Variants in LGSN observed in about 807,000 individuals in gnomAD.
LGSN encodes lengsin.
In LGSN, 21 loss-of-function variants were observed where a neutral mutation model predicts 19.5. The ratio of observed to expected loss-of-function variants is 1.07; its 90% CI spans 0.76 to 1.55. LGSN has a LOEUF of 1.55. Ranked by LOEUF, LGSN falls within the 40% of genes most tolerant of loss-of-function variation. LGSN has a pLI of 0.00. For missense variants in LGSN, 673 were observed against 608.5 expected (o/e 1.11, Z -1.12); for synonymous variants, 257 against 215.6 (o/e 1.19, Z -1.68).
the LGSN span, among the ~76,000 whole-genome samples, chr6:63,428,807 G>A: frequency 6.6e-6 from 1 of 152,188 alleles, no homozygotes; most frequent in African/African-American, 2.4e-5. Flanking sequence ...ATGGCTCATA[G>A]AGAAGTCAGG....
chr6:63,486,034 ATTGT>A, the LGSN span, among the ~76,000 whole-genome samples: 1 of 152,014 alleles, frequency 6.6e-6, no homozygotes, highest in Non-Finnish European at 1.5e-5. Flanking sequence ...CCGGCTGAAC[ATTGT>A]TTGTAGAAGT....
At chr6:63,372,689 A>G in the LGSN span, among the ~76,000 whole-genome samples, 1 of 152,216 alleles carries the variant, frequency 6.6e-6, no homozygotes, top group Non-Finnish European at 1.5e-5. Context: ...TAAGGACTAT[A>G]TCAGCAAAGT....
chr6:63,517,119 G>T, the LGSN span, among the ~76,000 whole-genome samples: 2 of 152,080 alleles, frequency 1.3e-5, no homozygotes, highest in East Asian at 3.8e-4. Flanking sequence ...CATAGTAAGT[G>T]TGCAATACAT....
At chr6:63,412,902 G>C in the LGSN span, among the ~76,000 whole-genome samples, 44 of 149,194 alleles carry the variant, frequency 2.9e-4, 1 homozygote, top group African/African-American at 1.1e-3. Context: ...GAAAGAGAGA[G>C]AGAGAAAGGA....
At chr6:63,390,316 G>A in the LGSN span, among the ~76,000 whole-genome samples, 1 of 151,064 alleles carries the variant, frequency 6.6e-6, no homozygotes, top group Non-Finnish European at 1.5e-5. Context: ...CGTTAGTAGA[G>A]ATGGGTTTTC....
chr6:63,423,703 A>T, the LGSN span, among the ~76,000 whole-genome samples: 1 of 152,108 alleles, frequency 6.6e-6, no homozygotes, highest in East Asian at 1.9e-4. Context: ...CCAAATGTGC[A>T]TATATCAAAC....
the LGSN span, among the ~76,000 whole-genome samples, chr6:63,483,102 G>C: frequency 1.3e-5 from 2 of 152,252 alleles, no homozygotes; most frequent in Non-Finnish European, 2.9e-5. Flanking sequence ...ATCTCTATTG[G>C]GAATGCTTTC....
the LGSN span, among the ~76,000 whole-genome samples, chr6:63,450,236 C>G: frequency 6.6e-6 from 1 of 150,838 alleles, no homozygotes; most frequent in African/African-American, 2.4e-5. Flanking sequence ...GTGGTGAGCA[C>G]CTGTAATCCC....
At chr6:63,385,122 G>T in the LGSN span, among the ~76,000 whole-genome samples, 2 of 152,162 alleles carry the variant, frequency 1.3e-5, no homozygotes, top group Non-Finnish European at 2.9e-5. Context: ...GGCAGCCCTA[G>T]AAATCTAATA....
chr6:63,410,844 C>T, the LGSN span, among the ~76,000 whole-genome samples: 6 of 152,032 alleles, frequency 3.9e-5, no homozygotes, highest in Admixed American at 1.3e-4. Context: ...TCTTAATGAC[C>T]CCACATGCTG....
chr6:63,373,319 T>C, the LGSN span, among the ~76,000 whole-genome samples: 2 of 152,166 alleles, frequency 1.3e-5, no homozygotes, highest in African/African-American at 4.8e-5. Flanking sequence ...GTAACTACAG[T>C]GTGGAGGAAC....
At chr6:63,431,332 C>G in the LGSN span, among the ~76,000 whole-genome samples, 71 of 152,190 alleles carry the variant, frequency 4.7e-4, no homozygotes, top group Non-Finnish European at 8.8e-4. Context: ...AAGCCAAAAC[C>G]TGAGTGTTGG....
chr6:63,518,655 T>C, the LGSN span, among the ~76,000 whole-genome samples: 4 of 152,358 alleles, frequency 2.6e-5, no homozygotes, highest in African/African-American at 9.6e-5. Context: ...TCTAGGTCTC[T>C]TTACAGCTAA....
the LGSN span, among the ~76,000 whole-genome samples, chr6:63,472,756 C>T: frequency 6.6e-6 from 1 of 151,792 alleles, no homozygotes; most frequent in Admixed American, 6.6e-5. Flanking sequence ...CTGGCTAACG[C>T]AGTGAAACCC....
At chr6:63,503,683 GGC>G in the LGSN span, among the ~76,000 whole-genome samples, 2 of 152,216 alleles carry the variant, frequency 1.3e-5, no homozygotes, top group Admixed American at 1.3e-4. Flanking sequence ...GGGAGGGCGA[GGC>G]TGGTGGATTG....
intron 1 of LGSN, among the ~76,000 whole-genome samples, chr6:63,304,833 C>T (rs1048153990): frequency 6.6e-6 from 1 of 152,084 alleles, no homozygotes; most frequent in Non-Finnish European, 1.5e-5. Flanking sequence ...ACTGGAATGA[C>T]AAAATCTCAA....
chr6:63,558,769 T>C, the LGSN span, among the ~76,000 whole-genome samples: 1 of 152,166 alleles, frequency 6.6e-6, no homozygotes, highest in African/African-American at 2.4e-5. Flanking sequence ...ATAGGAAATA[T>C]TCTTTAAAAT....
At chr6:63,531,411 A>G in the LGSN span, among the ~76,000 whole-genome samples, 8 of 152,148 alleles carry the variant, frequency 5.3e-5, no homozygotes, top group African/African-American at 1.9e-4. Context: ...AAAAAACATA[A>G]CAAATTATAA....
the LGSN span, among the ~76,000 whole-genome samples, chr6:63,516,509 C>T: frequency 2.6e-5 from 4 of 152,158 alleles, no homozygotes; most frequent in African/African-American, 9.7e-5. Flanking sequence ...TTGACTCCAC[C>T]AGCTGTGAGC....
Sources: allele counts gnomAD v4.1 joint callset (sites outside exome capture counted in the v4.1 genomes callset), GRCh38; gene constraint gnomAD v4.1.1; transcripts MANE v1.5; gene names NCBI Gene and HGNC (gene_info 2026-07-23, HGNC 2026-07-21).